The following OSBPL11 variants were observed in gnomAD, a reference collection of about 807,000 sequenced individuals.
OSBPL11 encodes the protein oxysterol binding protein like 11.
In OSBPL11, 33 loss-of-function variants were observed where a neutral mutation model predicts 84.4. The observed-to-expected ratio is 0.39, with a 90% CI of 0.30 to 0.52. OSBPL11 has a LOEUF of 0.52. OSBPL11 is among the 20% of genes least tolerant of loss of function. The pLI is 0.72. For synonymous variants in OSBPL11, 276 were observed against 310.2 expected (o/e 0.89, Z 1.16); for missense variants, 736 against 901.1 (o/e 0.82, Z 2.35).
chr3:125,578,672 G>C (rs1361302745), intron 4 of OSBPL11, among the ~76,000 whole-genome samples: 1 of 152,088 alleles, frequency 6.6e-6, no homozygotes, highest in Non-Finnish European at 1.5e-5. Context: ...TTGGGAGGCT[G>C]AGACAGGAAA....
At chr3:125,538,720 G>A in intron 10 of OSBPL11, 87 bp from the exon 11 acceptor site, 2 of 1,208,524 alleles carry the variant, frequency 1.7e-6, no homozygotes, top group Non-Finnish European at 2.3e-6. Flanking sequence ...CACAGCCTGT[G>A]AATCCTGTTG....
rs1274874713 is a variant in OSBPL11 at position 125,579,908 on chromosome 3, G to A, written c.366C>T (p.Thr122=). Residue 122 remains threonine (T), a synonymous_variant, in exon 3 of 13, where the codon ACC becomes ACT. Transcript: ENST00000296220. Reference sequence around the variant, plus strand: ...CCCCACTGGCAGCGTTTACAGTGAAGGTGTGAGAATCCTCATCACTGGGTG... The same window carrying A: ...CCCCACTGGCAGCGTTTACAGTGAAAGTGTGAGAATCCTCATCACTGGGTG... ...VISPSDEDSH[T]FTVNAASGEQ... is the part of the protein sequence containing the mutation. The A allele has an allele frequency of 1.9e-6, 3 of 1,614,194 alleles. No homozygotes were observed. The highest frequency in any genetic ancestry group is 1.7e-6 in the Non-Finnish European group (2 of 1,180,028).
intron 1 of OSBPL11, among the ~76,000 whole-genome samples, chr3:125,590,730 A>AT (rs547648560): frequency 9.1e-4 from 138 of 152,214 alleles, no homozygotes; most frequent in African/African-American, 3.2e-3. Context: ...TGCTTCAGAC[A>AT]TAGTAGAGAC....
At chr3:125,564,902 G>A (rs1559842614) in intron 6 of OSBPL11, among the ~76,000 whole-genome samples, 1 of 152,186 alleles carries the variant, frequency 6.6e-6, no homozygotes, top group Non-Finnish European at 1.5e-5. Context: ...TGATCTGCCT[G>A]ACTCCGCATC....
intron 5 of OSBPL11, among the ~76,000 whole-genome samples, chr3:125,568,598 A>T (rs1004262576): frequency 6.6e-6 from 1 of 152,192 alleles, no homozygotes; most frequent in African/African-American, 2.4e-5. Context: ...TGAACCTACT[A>T]TGAGTGCATA....
chr3:125,532,110 A>C, intron 11 of OSBPL11, 96 bp from the exon 12 acceptor site: 2 of 1,287,986 alleles, frequency 1.6e-6, no homozygotes, highest in Non-Finnish European at 2.1e-6. Flanking sequence ...TTATAAAATA[A>C]CGTTTCCTAA....
intron 7 of OSBPL11, 92 bp downstream of exon 7, chr3:125,563,606 G>T: frequency 8.1e-7 from 1 of 1,235,556 alleles, no homozygotes; most frequent in Non-Finnish European, 1.2e-6. Flanking sequence ...GTGTTAAGTT[G>T]ATGTGCATGA....
chr3:125,535,593 G>A (rs762041033), intron 11 of OSBPL11, among the ~76,000 whole-genome samples: 6 of 151,470 alleles, frequency 4.0e-5, no homozygotes, highest in Non-Finnish European at 7.4e-5. Flanking sequence ...ACAGGTGCAC[G>A]CCACCACGCC....
chr3:125,539,092 C>T (rs6762195), intron 10 of OSBPL11, among the ~76,000 whole-genome samples: 85,365 of 150,930 alleles, frequency 0.57, 26,712 homozygotes, highest in African/African-American at 0.86. Flanking sequence ...CGTACTAAAC[C>T]ACATAAGCCT....
chr3:125,535,940 C>T (rs1021126634), intron 11 of OSBPL11, among the ~76,000 whole-genome samples: 1 of 151,552 alleles, frequency 6.6e-6, no homozygotes, highest in Non-Finnish European at 1.5e-5. Flanking sequence ...CAAGACCAGC[C>T]TGACCAACAT....
chr3:125,593,211 G>A (rs954635249), intron 1 of OSBPL11, among the ~76,000 whole-genome samples: 3 of 151,968 alleles, frequency 2.0e-5, no homozygotes, highest in Non-Finnish European at 2.9e-5. Flanking sequence ...GGGGACCCGC[G>A]GCCCCTGCCA....
At chr3:125,570,515 A>G (rs1255464609) in intron 5 of OSBPL11, among the ~76,000 whole-genome samples, 1 of 152,138 alleles carries the variant, frequency 6.6e-6, no homozygotes, top group African/African-American at 2.4e-5. Context: ...AAAACAAAGT[A>G]CATATATGAT....
At position 125,539,300 on chromosome 3, in the gene OSBPL11, C is replaced by CATATAT. The variant is rs10678056; in HGVS notation, c.1842-673_1842-668dup. ...AAGTTTAATGAAGAGTCACCACAGC[C>CATATAT]ATATATATATATATATATATATATA... is the stretch of plus-strand genomic sequence containing the variant. On this transcript the variant is annotated intron_variant, in intron 10 of 12. Coordinates refer to ENST00000296220, the MANE Select transcript of OSBPL11 (RefSeq NM_022776.5). Among the ~76,000 whole-genome samples the CATATAT allele has an allele frequency of 8.2e-3, 554 of 67,680 alleles. 3 individuals carry two copies. Among genetic ancestry groups the CATATAT allele is most frequent in the Non-Finnish European group, 9.1e-3 (288 of 31,738 alleles). 44.4% of individuals were successfully genotyped at this position (67,680 alleles called of 152,430 possible).
At chr3:125,586,662 G>A (rs1936516008) in intron 1 of OSBPL11, among the ~76,000 whole-genome samples, 1 of 151,928 alleles carries the variant, frequency 6.6e-6, no homozygotes, top group Non-Finnish European at 1.5e-5. Flanking sequence ...ACAGGTGCGT[G>A]TGTGCCACCA....
Position 125,571,017 on chromosome 3 carries a change from A to G in OSBPL11, c.667-3422T>C, listed in dbSNP as rs545325056. 4.6e-5 allele frequency among the ~76,000 whole-genome samples: 7 copies of G among 152,234 alleles called. No homozygotes were observed. In the South Asian group the frequency reaches 1.5e-3, roughly 32 times the overall value. On this transcript the variant is annotated intron_variant, in intron 5 of 12. Coordinates refer to ENST00000296220, the MANE Select transcript of OSBPL11 (RefSeq NM_022776.5). ...ACAGGAAAATGTGGGAAAGTTTGGA[A>G]CTCCCTAGAGACTTGTTGAATGGCT...
chr3:125,583,505 C>G (rs1936459402), intron 1 of OSBPL11, among the ~76,000 whole-genome samples: 1 of 145,656 alleles, frequency 6.9e-6, no homozygotes, highest in African/African-American at 2.5e-5. Flanking sequence ...CACTTGAACC[C>G]AGGAGGTGGA....
chr3:125,591,244 T>C (rs559046839), intron 1 of OSBPL11, among the ~76,000 whole-genome samples: 4 of 152,354 alleles, frequency 2.6e-5, no homozygotes, highest in African/African-American at 9.6e-5. Flanking sequence ...CTTGAGTCTA[T>C]TATATTAACT....
chr3:125,583,192 C>T (rs538722887), intron 1 of OSBPL11, among the ~76,000 whole-genome samples: 2 of 151,838 alleles, frequency 1.3e-5, no homozygotes, highest in African/African-American at 4.8e-5. Flanking sequence ...AAGTACAATA[C>T]CTCATAAATT....
chr3:125,593,857 T>G (rs1222973208), intron 1 of OSBPL11, among the ~76,000 whole-genome samples: 2 of 152,154 alleles, frequency 1.3e-5, no homozygotes, highest in African/African-American at 4.8e-5. Context: ...TCCCTTTAGT[T>G]CCAATACGAT....
Sources: allele counts gnomAD v4.1 joint callset (sites outside exome capture counted in the v4.1 genomes callset), GRCh38; gene constraint gnomAD v4.1.1; transcripts MANE v1.5; gene names NCBI Gene and HGNC (gene_info 2026-07-23, HGNC 2026-07-21).